ANO3: variants seen among roughly 807,000 people sequenced by gnomAD.
The protein encoded by ANO3 is anoctamin 3, also known as anoctamin-3.
ANO3 carries 99 observed loss-of-function variants against 144.8 expected under a neutral mutation model. That is an observed-to-expected ratio of 0.68 (90% CI 0.58 to 0.81). The LOEUF is 0.81. Among genes scored for constraint, ANO3 ranks in the 30% least tolerant of loss-of-function variants. The probability of loss-of-function intolerance (pLI) is 0.00; values close to 1 mark genes in which losing one functional copy is unlikely to be tolerated. For synonymous variants in ANO3, 414 were observed against 392.6 expected (o/e 1.05, Z -0.64); for missense variants, 905 against 1,202.2 (o/e 0.75, Z 3.66).
intron 14 of ANO3, among the ~76,000 whole-genome samples, chr11:26,590,275 T>C (rs1470423988): frequency 1.3e-5 from 2 of 152,240 alleles, no homozygotes; most frequent in African/African-American, 2.4e-5. Flanking sequence ...ATCAGGCCTT[T>C]TATGGCGATT....
intron 18 of ANO3, among the ~76,000 whole-genome samples, chr11:26,629,874 G>T (rs1432755887): frequency 6.6e-6 from 1 of 152,088 alleles, no homozygotes; most frequent in Non-Finnish European, 1.5e-5. Flanking sequence ...CAGGTGATCT[G>T]CCCGCCTTGG....
At chr11:26,422,684 C>T (rs1347018448) in intron 1 of ANO3, among the ~76,000 whole-genome samples, 2 of 151,824 alleles carry the variant, frequency 1.3e-5, no homozygotes, top group Non-Finnish European at 2.9e-5. Flanking sequence ...TAATCTGATA[C>T]TAGTCAAGAA....
upstream of ANO3, among the ~76,000 whole-genome samples, chr11:26,330,186 T>C (rs530227178): frequency 2.0e-5 from 3 of 152,256 alleles, no homozygotes; most frequent in South Asian, 6.2e-4. Context: ...CGTAGGAGAA[T>C]TGGGTTGCAT....
intron 1 of ANO3, among the ~76,000 whole-genome samples, chr11:26,424,488 C>A (rs539488173): frequency 4.1e-4 from 62 of 152,096 alleles, no homozygotes; most frequent in Middle Eastern, 3.4e-3. Flanking sequence ...GCCTAGGGCC[C>A]AGGGTATGCT....
At chr11:26,643,825 C>T (rs1853250572) in intron 23 of ANO3, among the ~76,000 whole-genome samples, 1 of 152,160 alleles carries the variant, frequency 6.6e-6, no homozygotes, top group African/African-American at 2.4e-5. Flanking sequence ...TCTTCCACTT[C>T]CCCGTGGTGT....
At chr11:26,595,636 G>C (rs577478672) in intron 14 of ANO3, among the ~76,000 whole-genome samples, 81 of 152,012 alleles carry the variant, frequency 5.3e-4, no homozygotes, top group Non-Finnish European at 9.7e-4. Flanking sequence ...CAATCACCCG[G>C]GAGGAACCAT....
intron 1 of ANO3, among the ~76,000 whole-genome samples, chr11:26,392,247 T>G (rs1176582673): frequency 1.3e-5 from 2 of 151,646 alleles, no homozygotes; most frequent in Non-Finnish European, 2.9e-5. Flanking sequence ...GCCTTTTTTT[T>G]TTTTTTTTTA....
chr11:26,283,297 C>T (rs954761399), intron 1 of ANO3, among the ~76,000 whole-genome samples: 6 of 118,982 alleles, frequency 5.0e-5, no homozygotes, highest in Non-Finnish European at 8.7e-5. Flanking sequence ...ATAACCATAT[C>T]TTACCAAAAT....
At chr11:26,561,454 CAAAGT>C (rs978229915) in intron 14 of ANO3, among the ~76,000 whole-genome samples, 16 of 151,722 alleles carry the variant, frequency 1.1e-4, no homozygotes, top group African/African-American at 3.9e-4. Context: ...TTGATGGACT[CAAAGT>C]AAAGGAACTA....
chr11:26,293,292 G>T (rs1011946074), intron 1 of ANO3, among the ~76,000 whole-genome samples: 3 of 151,496 alleles, frequency 2.0e-5, no homozygotes, highest in African/African-American at 7.3e-5. Flanking sequence ...TGTTTTCAAA[G>T]AATTTTTGAA....
rs189784789 is a variant in ANO3 at position 26,359,264 on chromosome 11, G to A, written c.46+26943G>A. ...TATTTCTTGCTTTTAAGTTCTGTGA[G>A]GTGGGACCAGGATAGTGCTCAATCT... On this transcript the variant is annotated intron_variant, in intron 1 of 26. Coordinates refer to ENST00000256737, the MANE Select transcript of ANO3 (RefSeq NM_031418.4). Among the ~76,000 whole-genome samples the A allele has an allele frequency of 3.9e-5, 6 of 152,280 alleles. No individual in the cohort carries two copies. In the East Asian group the frequency reaches 9.7e-4, roughly 25 times the overall value.
intron 18 of ANO3, 112 bp from the exon 19 acceptor site, chr11:26,634,092 A>C: frequency 1.9e-6 from 1 of 540,334 alleles, no homozygotes. Flanking sequence ...AAAAAAAAAA[A>C]AAAAAATTAA....
At position 26,210,713 on chromosome 11, in the gene ANO3, G is replaced by A. The variant is rs552882539; in HGVS notation, c.154+21383G>A. ...AAGTCCTCCACATCCCTTGTAAGTT[G>A]TATTCCTAGGTATTTTATTCTCTTG... On this transcript the variant is annotated intron_variant, in intron 1 of 27. Coordinates refer to the ANO3 transcript ENST00000672621. Among the ~76,000 whole-genome samples the A allele has an allele frequency of 2.6e-5, 4 of 152,086 alleles. No individual in the cohort carries two copies. The East Asian group carries it at 7.7e-4, about 29-fold the overall frequency.
chr11:26,383,771 C>T (rs1438861521), intron 1 of ANO3, among the ~76,000 whole-genome samples: 5 of 151,386 alleles, frequency 3.3e-5, no homozygotes, highest in African/African-American at 4.9e-5. Context: ...CCACTAAAAC[C>T]GGCAAATAAA....
chr11:26,564,933 C>G (rs944406542), intron 14 of ANO3, among the ~76,000 whole-genome samples: 1 of 150,302 alleles, frequency 6.7e-6, no homozygotes, highest in African/African-American at 2.4e-5. Context: ...ACATTTTGTC[C>G]CATTGTCTCC....
chr11:26,377,237 A>G (rs1017372274), intron 1 of ANO3, among the ~76,000 whole-genome samples: 2 of 152,196 alleles, frequency 1.3e-5, no homozygotes, highest in East Asian at 1.9e-4. Flanking sequence ...ATGAACTACA[A>G]TGAACATGCA....
chr11:26,541,644 G>A (rs562162226), intron 10 of ANO3, among the ~76,000 whole-genome samples: 2 of 13,334 alleles, frequency 1.5e-4, no homozygotes, highest in African/African-American at 3.3e-4. Context: ...TGAAGATATT[G>A]TGTTTATTAA....
chr11:26,406,832 T>A (rs1037077750), intron 1 of ANO3, among the ~76,000 whole-genome samples: 1 of 151,050 alleles, frequency 6.6e-6, no homozygotes, highest in East Asian at 2.0e-4. Flanking sequence ...TTTGTGATGA[T>A]TGTTTATATC....
chr11:26,387,452 C>T (rs1856765286), intron 1 of ANO3, among the ~76,000 whole-genome samples: 1 of 151,946 alleles, frequency 6.6e-6, no homozygotes, highest in Admixed American at 6.6e-5. Context: ...CTATATGACC[C>T]TATTAAATTT....
Sources: gnomAD v4.1 joint callset for allele counts (sites outside exome capture counted in the v4.1 genomes callset) on GRCh38, gnomAD v4.1.1 for gene constraint, MANE v1.5 for transcripts, NCBI Gene and HGNC (gene_info 2026-07-23, HGNC 2026-07-21) for gene names.